KIAA1328: variants seen among roughly 807,000 people sequenced by gnomAD.
The protein encoded by KIAA1328 is protein hinderin.
Under a neutral mutation model 68.1 loss-of-function variants are expected in KIAA1328, and 52 were observed. The ratio of observed to expected loss-of-function variants is 0.76; its 90% CI spans 0.61 to 0.96. KIAA1328 has a LOEUF of 0.96. Ranked by LOEUF, KIAA1328 falls within the 40% of genes least tolerant of loss-of-function variation. The pLI is 0.00. For missense variants in KIAA1328, 641 were observed against 677.6 expected, an observed-to-expected ratio of 0.95 and a Z score of 0.60; for synonymous variants, 232 against 239.4, an observed-to-expected ratio of 0.97 and a Z score of 0.28.
chr18:36,829,460 C>A, intron 1 of KIAA1328: 1 of 1,288,642 alleles, frequency 7.8e-7, no homozygotes, highest in Non-Finnish European at 9.8e-7. Flanking sequence ...GAAAGATAGC[C>A]TTGAGTCCAG....
In KIAA1328 at chr18:37,105,916, CAAAAAAAAAAAAAAA is replaced by C. The variant is rs58940699; in HGVS notation, c.1232+38386_1232+38400del. 5.6e-4 allele frequency among the ~76,000 whole-genome samples: 11 copies of C among 19,502 alleles called. 1 individual carries two copies. The East Asian group carries it at 9.8e-3, about 17-fold the overall frequency. 12.8% of individuals were successfully genotyped at this position (19,502 alleles called of 152,430 possible). On this transcript the variant is annotated intron_variant, in intron 7 of 9. Coordinates refer to ENST00000280020, the MANE Select transcript of KIAA1328 (RefSeq NM_020776.3). Reference sequence around the variant, plus strand: ...TGGTTGACAGAGCAAGACTCTGTGTCAAAAAAAAAAAAAAAAAAAAAAAAAAAAAGAATTATAGTA... The same window carrying C: ...TGGTTGACAGAGCAAGACTCTGTGTCAAAAAAAAAAAAAAGAATTATAGTA...
intron 6 of KIAA1328, among the ~76,000 whole-genome samples, chr18:37,061,883 T>G (rs1268367777): frequency 1.3e-5 from 2 of 152,194 alleles, no homozygotes; most frequent in Non-Finnish European, 2.9e-5. Flanking sequence ...AGAATGTCTG[T>G]GTACAAGCCC....
intron 6 of KIAA1328, among the ~76,000 whole-genome samples, chr18:36,988,702 A>C (rs890094186): frequency 5.9e-5 from 9 of 152,204 alleles, no homozygotes; most frequent in Non-Finnish European, 1.0e-4. Flanking sequence ...CTTTGGAGCC[A>C]ATATGCTTGG....
intron 5 of KIAA1328, among the ~76,000 whole-genome samples, chr18:36,958,246 C>T (rs1472703690): frequency 6.6e-6 from 1 of 152,010 alleles, no homozygotes; most frequent in Non-Finnish European, 1.5e-5. Context: ...AGGAATAATG[C>T]CATGTTGAAT....
At chr18:37,053,705 T>TA (rs1336919086) in intron 6 of KIAA1328, among the ~76,000 whole-genome samples, 1 of 152,116 alleles carries the variant, frequency 6.6e-6, no homozygotes, top group Non-Finnish European at 1.5e-5. Flanking sequence ...AAAGCAAACA[T>TA]ATCCTTCTTC....
intron 7 of KIAA1328, among the ~76,000 whole-genome samples, chr18:37,156,115 AC>A (rs2059145646): frequency 6.6e-6 from 1 of 151,818 alleles, no homozygotes; most frequent in Admixed American, 6.6e-5. Flanking sequence ...AAGAATAGGA[AC>A]CAGGGCTGGG....
intron 9 of KIAA1328, among the ~76,000 whole-genome samples, chr18:37,213,056 G>A (rs868330484): frequency 6.6e-6 from 1 of 152,152 alleles, no homozygotes; most frequent in Non-Finnish European, 1.5e-5. Context: ...CATTTATTAG[G>A]TCATCAGAAT....
intron 6 of KIAA1328, among the ~76,000 whole-genome samples, chr18:37,034,872 A>G (rs1289033672): frequency 6.6e-6 from 1 of 152,242 alleles, no homozygotes; most frequent in East Asian, 1.9e-4. Context: ...GGTACTGTGC[A>G]GGACTAAAGG....
chr18:36,834,487 GT>G (rs552926029), intron 2 of KIAA1328, 132 bp downstream of exon 2: 34 of 708,210 alleles, frequency 4.8e-5, no homozygotes, highest in Middle Eastern at 2.7e-4. Context: ...CCTAAAATTT[GT>G]TTTTTTTGAA....
intron 5 of KIAA1328, among the ~76,000 whole-genome samples, chr18:36,929,240 G>A (rs533107371): frequency 1.3e-5 from 2 of 152,024 alleles, no homozygotes; most frequent in South Asian, 4.2e-4. Context: ...CCTGTACCCC[G>A]GCTTTTGTTT....
At chr18:36,975,428 C>T (rs971493903) in intron 6 of KIAA1328, among the ~76,000 whole-genome samples, 10 of 152,018 alleles carry the variant, frequency 6.6e-5, no homozygotes, top group African/African-American at 2.2e-4. Context: ...GTGATCCGCC[C>T]GCCTCGGCCT....
intron 6 of KIAA1328, among the ~76,000 whole-genome samples, chr18:36,998,923 A>T (rs1278558986): frequency 6.6e-6 from 1 of 152,236 alleles, no homozygotes; most frequent in Non-Finnish European, 1.5e-5. Context: ...GGAGCAGTTG[A>T]TGTTAATCAA....
intron 6 of KIAA1328, among the ~76,000 whole-genome samples, chr18:37,017,113 TTTCTC>T (rs1437422231): frequency 2.0e-5 from 3 of 152,102 alleles, no homozygotes; most frequent in African/African-American, 7.2e-5. Flanking sequence ...ACTTTAAACT[TTTCTC>T]TTAACATGGC....
intron 6 of KIAA1328, among the ~76,000 whole-genome samples, chr18:37,051,498 C>G (rs1315179232): frequency 2.0e-5 from 3 of 152,004 alleles, no homozygotes; most frequent in Admixed American, 2.0e-4. Flanking sequence ...CAAGATTGAA[C>G]CAATAAGAAG....
chr18:37,047,583 C>G lies in KIAA1328; in HGVS notation c.577-19307C>G, dbSNP rs529395275. ...TATTTTCCACTCTGCCAGAAATGTC[C>G]TACACCTCACACCCTCACATATACC... On this transcript the variant is annotated intron_variant, in intron 6 of 9. Coordinates refer to ENST00000280020, the MANE Select transcript of KIAA1328 (RefSeq NM_020776.3). Among the ~76,000 whole-genome samples the G allele has an allele frequency of 1.9e-4, 29 of 152,270 alleles. No individual in the cohort carries two copies. In the South Asian group the frequency reaches 5.8e-3, roughly 30 times the overall value.
intron 7 of KIAA1328, among the ~76,000 whole-genome samples, chr18:37,126,303 A>T (rs1261843260): frequency 6.6e-6 from 1 of 152,186 alleles, no homozygotes; most frequent in African/African-American, 2.4e-5. Context: ...GTGATACTCA[A>T]CCTGTCATAT....
intron 7 of KIAA1328, among the ~76,000 whole-genome samples, chr18:37,156,407 CAA>C (rs945610185): frequency 1.1e-5 from 1 of 92,898 alleles, no homozygotes; most frequent in South Asian, 3.9e-4. Flanking sequence ...GCCTAGGTGA[CAA>C]GAGAGAAACT....
intron 7 of KIAA1328, among the ~76,000 whole-genome samples, chr18:37,073,024 C>CT (rs1237831858): frequency 7.5e-6 from 1 of 133,878 alleles, no homozygotes; most frequent in Non-Finnish European, 1.5e-5. Flanking sequence ...TCAAGATGGA[C>CT]TAAAGACTTA....
intron 7 of KIAA1328, among the ~76,000 whole-genome samples, chr18:37,101,095 T>G (rs1203263574): frequency 6.6e-6 from 1 of 152,022 alleles, no homozygotes; most frequent in African/African-American, 2.4e-5. Flanking sequence ...AACGAAACTC[T>G]AAATATCAGA....
Sources: allele counts gnomAD v4.1 joint callset (sites outside exome capture counted in the v4.1 genomes callset), GRCh38; gene constraint gnomAD v4.1.1; transcripts MANE v1.5; gene names NCBI Gene and HGNC (gene_info 2026-07-23, HGNC 2026-07-21).